The following UGT1A9 variants were observed in gnomAD, a reference collection of about 807,000 sequenced individuals.
The protein encoded by UGT1A9 is UDP glucuronosyltransferase family 1 member A9.
UGT1A9 carries 35 observed loss-of-function variants against 45.0 expected under a neutral mutation model. The ratio of observed to expected loss-of-function variants is 0.78; its 90% CI spans 0.59 to 1.03. The LOEUF (loss-of-function observed/expected upper bound fraction) is 1.03. Among genes scored for constraint, UGT1A9 ranks in the 50% least tolerant of loss-of-function variants. The pLI is 0.00. For missense variants in UGT1A9, 687 were observed against 666.6 expected (o/e 1.03, Z -0.34); for synonymous variants, 278 against 250.6 (o/e 1.11, Z -1.03).
At chr2:233,728,976 T>C in intron 1 of UGT1A9, 1 of 1,491,464 alleles carries the variant, frequency 6.7e-7, no homozygotes, top group Non-Finnish European at 9.0e-7. Context: ...GATAGATTAA[T>C]GGTTAATAAT....
intron 1 of UGT1A9, chr2:233,747,282 G>A: frequency 6.2e-7 from 1 of 1,600,800 alleles, no homozygotes; most frequent in Non-Finnish European, 8.5e-7. Context: ...TCAGTGCCCA[G>A]CCCTGGGCTG....
chr2:233,680,710 T>G (rs1198457516), intron 1 of UGT1A9, among the ~76,000 whole-genome samples: 3 of 152,166 alleles, frequency 2.0e-5, no homozygotes, highest in East Asian at 3.9e-4. Context: ...AGATGTAATC[T>G]CATCCTCAAG....
intron 1 of UGT1A9, chr2:233,690,588 G>GA (rs144486213): frequency 0.039 from 32,870 of 839,158 alleles, no homozygotes; most frequent in South Asian, 0.07. Flanking sequence ...CAATCCCTGA[G>GA]AAAAAAAAAA....
At chr2:233,692,791 C>A in intron 1 of UGT1A9, 1 of 1,367,752 alleles carries the variant, frequency 7.3e-7, no homozygotes, top group Non-Finnish European at 9.4e-7. Flanking sequence ...CAGGTGAAAG[C>A]TGACACGGCC....
At chr2:233,736,684 C>G (rs2078792768) in intron 1 of UGT1A9, among the ~76,000 whole-genome samples, 1 of 152,148 alleles carries the variant, frequency 6.6e-6, no homozygotes, top group Non-Finnish European at 1.5e-5. Flanking sequence ...ATGTTGGTGA[C>G]CTACAGATGG....
intron 1 of UGT1A9, among the ~76,000 whole-genome samples, chr2:233,712,032 A>C (rs564582261): frequency 2.6e-4 from 40 of 152,322 alleles, no homozygotes; most frequent in African/African-American, 8.4e-4. Flanking sequence ...TTGGTGCTGG[A>C]TTGACTTGGA....
intron 1 of UGT1A9, chr2:233,729,582 C>A (rs143068136): frequency 2.2e-4 from 355 of 1,613,964 alleles, no homozygotes; most frequent in Middle Eastern, 3.3e-4. Context: ...TTTTAACAGA[C>A]CCCGTTAACC....
intron 1 of UGT1A9, among the ~76,000 whole-genome samples, chr2:233,765,676 A>T (rs544202607): frequency 2.0e-5 from 3 of 151,708 alleles, no homozygotes; most frequent in Non-Finnish European, 4.4e-5. Flanking sequence ...TGGCATATGT[A>T]TCCCAGAACT....
At chr2:233,734,121 T>A (rs76091685) in intron 1 of UGT1A9, among the ~76,000 whole-genome samples, 3,256 of 151,966 alleles carry the variant, frequency 0.021, 102 homozygotes, top group African/African-American at 0.073. Context: ...ATAATAATAA[T>A]AAAAAGAATT....
chr2:233,724,248 C>A (rs1157079277), intron 1 of UGT1A9, among the ~76,000 whole-genome samples: 1 of 130,578 alleles, frequency 7.7e-6, no homozygotes, highest in Admixed American at 7.2e-5. Context: ...GGCAGAGGCG[C>A]CCCTCACCTC....
chr2:233,728,044 C>T (rs568632744), intron 1 of UGT1A9, among the ~76,000 whole-genome samples: 1 of 152,330 alleles, frequency 6.6e-6, no homozygotes, highest in African/African-American at 2.4e-5. Context: ...GGATAAGCCT[C>T]ATTGGGCTTG....
At chr2:233,713,156 C>T in intron 1 of UGT1A9, 1 of 1,614,194 alleles carries the variant, frequency 6.2e-7, no homozygotes. Context: ...ATGCGAGAGG[C>T]CACCAGGTGG....
intron 1 of UGT1A9, among the ~76,000 whole-genome samples, chr2:233,761,782 A>G (rs1423318285): frequency 1.3e-5 from 2 of 152,218 alleles, no homozygotes; most frequent in African/African-American, 4.8e-5. Context: ...ATCCTCATCG[A>G]AATCTCAGCA....
At chr2:233,692,833 A>G (rs2075116661) in intron 1 of UGT1A9, 2 of 1,445,564 alleles carry the variant, frequency 1.4e-6, no homozygotes, top group Non-Finnish European at 1.8e-6. Context: ...TGTGATTAAA[A>G]TGGTTAAATA....
rs1355920340 is a variant in UGT1A9 at position 233,672,426 on chromosome 2, C to A, written c.492C>A (p.Pro164=). The A allele has an allele frequency of 1.9e-6, 3 of 1,614,004 alleles. No homozygotes were observed. In the South Asian group the frequency reaches 3.3e-5, roughly 18 times the overall value. The change falls in exon 1 of 5, where the codon CCC becomes CCA. Residue 164 remains proline, a synonymous_variant. Coordinates refer to ENST00000354728, the MANE Select transcript of UGT1A9 (RefSeq NM_021027.3). ...GLIVAKYFSL[P]SVVFARGILC... ...TTGTTGCCAAATATTTCTCCCTCCC[C>A]TCCGTGGTCTTCGCCAGGGGAATAC...
chr2:233,721,049 T>A (rs1041518517), intron 1 of UGT1A9, among the ~76,000 whole-genome samples: 1 of 152,122 alleles, frequency 6.6e-6, no homozygotes, highest in African/African-American at 2.4e-5. Flanking sequence ...GAGCCCTTTT[T>A]TGTCATATTC....
At chr2:233,753,846 T>C (rs540552189) in intron 1 of UGT1A9, among the ~76,000 whole-genome samples, 6 of 152,330 alleles carry the variant, frequency 3.9e-5, no homozygotes, top group Non-Finnish European at 5.9e-5. Context: ...TAGTATATCA[T>C]TGACCAACCA....
chr2:233,709,154 G>A (rs2076061128), intron 1 of UGT1A9, among the ~76,000 whole-genome samples: 1 of 152,156 alleles, frequency 6.6e-6, no homozygotes, highest in Non-Finnish European at 1.5e-5. Context: ...CTGATTGGTT[G>A]AGGCCTAGGT....
chr2:233,740,339 A>T (rs1249228201), intron 1 of UGT1A9, among the ~76,000 whole-genome samples: 1 of 151,952 alleles, frequency 6.6e-6, no homozygotes, highest in Admixed American at 6.5e-5. Context: ...GAGAAAGTTG[A>T]TGAGAAAGTG....
Sources: gnomAD v4.1 joint callset for allele counts (sites outside exome capture counted in the v4.1 genomes callset) on GRCh38, gnomAD v4.1.1 for gene constraint, MANE v1.5 for transcripts, NCBI Gene and HGNC (gene_info 2026-07-23, HGNC 2026-07-21) for gene names.